ADGRA1: variants seen among roughly 807,000 people sequenced by gnomAD.
ADGRA1 encodes G-protein coupled receptor 123.
In ADGRA1, 12 loss-of-function variants were observed where a neutral mutation model predicts 21.3. The observed-to-expected ratio is 0.56, with a 90% CI of 0.36 to 0.91. The LOEUF (loss-of-function observed/expected upper bound fraction) is 0.91. Ranked by LOEUF, ADGRA1 falls within the 40% of genes least tolerant of loss-of-function variation. ADGRA1 has a pLI of 0.01. For synonymous variants in ADGRA1, 385 were observed against 368.8 expected, an observed-to-expected ratio of 1.04 and a Z score of -0.50; for missense variants, 790 against 805.6, an observed-to-expected ratio of 0.98 and a Z score of 0.23.
intron 4 of ADGRA1, 145 bp downstream of exon 4, chr10:133,098,908 G>C: frequency 8.8e-7 from 1 of 1,141,762 alleles, no homozygotes; most frequent in Non-Finnish European, 1.2e-6. Context: ...TCGGCTTCAC[G>C]CCATGCAAGT....
In ADGRA1 at chr10:133,127,231, A is replaced by G; in HGVS notation, c.402-2A>G. On this transcript the variant is annotated splice_acceptor_variant, in intron 5 of 6. Transcript: ENST00000392607. LOFTEE classifies it high-confidence loss of function. ...GGGGGTCAACGCCTTCCTCCCCGGC[A>G]GGTTTTACCTCGTCAGCGGAGGGGT... The G allele has an allele frequency of 6.4e-7, 1 of 1,572,472 alleles. No individual in the cohort carries two copies. The highest frequency in any genetic ancestry group is 1.2e-5 in the South Asian group (1 of 85,870).
intron 4 of ADGRA1, among the ~76,000 whole-genome samples, chr10:133,101,254 C>T (rs907890697): frequency 6.6e-6 from 1 of 152,220 alleles, no homozygotes; most frequent in African/African-American, 2.4e-5. Context: ...CCCCGCCCAC[C>T]GGGGCCACAG....
intron 6 of ADGRA1, 125 bp from the exon 7 acceptor site, chr10:133,128,204 C>G (rs1852419729): frequency 1.5e-6 from 1 of 668,630 alleles, no homozygotes; most frequent in Non-Finnish European, 2.4e-6. Context: ...GCCCAAGGCC[C>G]CCAAGCCGCA....
At chr10:133,126,752 C>T (rs549607608) in intron 5 of ADGRA1, among the ~76,000 whole-genome samples, 2 of 152,320 alleles carry the variant, frequency 1.3e-5, no homozygotes, top group African/African-American at 4.8e-5. Context: ...GCAGATACTT[C>T]GGCCCTCCGA....
chr10:133,099,520 C>T (rs1210949780), intron 4 of ADGRA1, among the ~76,000 whole-genome samples: 1 of 152,168 alleles, frequency 6.6e-6, no homozygotes, highest in Non-Finnish European at 1.5e-5. Flanking sequence ...CACAGAAGGG[C>T]TCCTCACATC....
intron 4 of ADGRA1, among the ~76,000 whole-genome samples, chr10:133,100,599 A>G (rs1851775079): frequency 6.6e-6 from 1 of 152,194 alleles, no homozygotes; most frequent in African/African-American, 2.4e-5. Context: ...GCAATCTTGG[A>G]GGAGATCTTG....
intron 2 of ADGRA1, among the ~76,000 whole-genome samples, chr10:133,089,270 C>T (rs1459707965): frequency 6.6e-6 from 1 of 152,196 alleles, no homozygotes; most frequent in Non-Finnish European, 1.5e-5. Context: ...CCAAGCCCCT[C>T]CACCCTGGTC....
At chr10:133,095,615 G>C (rs541937684) in intron 2 of ADGRA1, 2 of 1,568,354 alleles carry the variant, frequency 1.3e-6, no homozygotes, top group South Asian at 2.3e-5. Flanking sequence ...GCCCTATTTC[G>C]GGCTTTGACT....
chr10:133,088,696 CT>C lies in ADGRA1; in HGVS notation c.-202-11del. On this transcript the variant is annotated splice_polypyrimidine_tract_variant and intron_variant, in intron 1 of 6. Coordinates refer to ENST00000392607, the MANE Select transcript of ADGRA1 (RefSeq NM_001083909.3). ...CCTCCGCCCGCCCCGCTGACCGCCG[CT>C]GTCTTCACAGATGGGAGCAGCTCCC... 8.1e-7 allele frequency: 1 copy of C among 1,227,314 alleles called. No individual in the cohort carries two copies. Among genetic ancestry groups the C allele is most frequent in the African/African-American group, 1.6e-5 (1 of 64,344 alleles). The allele number at this position is 1,227,314 out of a possible 1,614,324, so 76.0% of individuals were successfully genotyped here.
At chr10:133,116,220 C>T (rs1050664945) in intron 5 of ADGRA1, among the ~76,000 whole-genome samples, 7 of 152,164 alleles carry the variant, frequency 4.6e-5, no homozygotes, top group Admixed American at 2.0e-4. Context: ...GACACAGTAA[C>T]GAAATGTGGT....
chr10:133,123,273 G>A (rs963973508), intron 5 of ADGRA1, among the ~76,000 whole-genome samples: 4 of 152,188 alleles, frequency 2.6e-5, no homozygotes, highest in South Asian at 4.1e-4. Context: ...GCGTGTGCAG[G>A]TCTCTTCCGC....
intron 5 of ADGRA1, among the ~76,000 whole-genome samples, chr10:133,123,772 C>A (rs539137847): frequency 4.7e-5 from 7 of 148,492 alleles, no homozygotes; most frequent in African/African-American, 1.5e-4. Flanking sequence ...GGGCTTGGGG[C>A]CTCCTCCACC....
intron 2 of ADGRA1, among the ~76,000 whole-genome samples, chr10:133,090,323 C>G (rs938391486): frequency 2.6e-5 from 4 of 152,228 alleles, no homozygotes; most frequent in East Asian, 1.9e-4. Flanking sequence ...CTCCTCGGCC[C>G]GGGGCCACCC....
chr10:133,112,912 T>G (rs1591181091), intron 5 of ADGRA1, among the ~76,000 whole-genome samples: 2 of 137,538 alleles, frequency 1.5e-5, no homozygotes, highest in Admixed American at 7.6e-5. Context: ...TTATTTGGGG[T>G]CTGTAAGCTG....
intron 2 of ADGRA1, among the ~76,000 whole-genome samples, chr10:133,092,477 G>A (rs925298377): frequency 1.3e-5 from 2 of 152,086 alleles, no homozygotes; most frequent in African/African-American, 2.4e-5. Flanking sequence ...CCTTACAAAC[G>A]TAATGCCGAC....
intron 4 of ADGRA1, among the ~76,000 whole-genome samples, chr10:133,100,104 C>G (rs971028208): frequency 6.6e-6 from 1 of 152,220 alleles, no homozygotes; most frequent in Non-Finnish European, 1.5e-5. Context: ...GCGTCCGGCA[C>G]GCAGAGGAGA....
Position 133,088,775 on chromosome 10 carries a change from G to A in ADGRA1, c.-135G>A, listed in dbSNP as rs1591162686. ...CCTGAGGCCAGGGGCCCGGGAGCGC[G>A]ACCTCCTGGCCGCCGTCTGGGACTT... On this transcript the variant is annotated 5_prime_UTR_variant, in exon 2 of 7. Coordinates refer to ENST00000392607, the MANE Select transcript of ADGRA1 (RefSeq NM_001083909.3). 2.4e-6 allele frequency: 3 copies of A among 1,231,858 alleles called. No homozygotes were observed. Among genetic ancestry groups the A allele is most frequent in the East Asian group, 3.2e-5 (1 of 31,672 alleles). 76.3% of individuals were successfully genotyped at this position (1,231,858 alleles called of 1,614,324 possible).
chr10:133,091,254 C>T (rs916392353), intron 2 of ADGRA1, among the ~76,000 whole-genome samples: 1 of 151,984 alleles, frequency 6.6e-6, no homozygotes, highest in African/African-American at 2.4e-5. Context: ...GGGTGTGGCA[C>T]CTATGGGGAA....
intron 5 of ADGRA1, among the ~76,000 whole-genome samples, chr10:133,126,103 G>A (rs972959667): frequency 2.0e-5 from 3 of 152,192 alleles, no homozygotes; most frequent in African/African-American, 2.4e-5. Flanking sequence ...TCCGCAGCAC[G>A]GACCCTCGGC....
Sources: gnomAD v4.1 joint callset for allele counts (sites outside exome capture counted in the v4.1 genomes callset) on GRCh38, gnomAD v4.1.1 for gene constraint, MANE v1.5 for transcripts, NCBI Gene and HGNC (gene_info 2026-07-23, HGNC 2026-07-21) for gene names.